KCTD19: variants seen among roughly 807,000 people sequenced by gnomAD.
KCTD19 encodes the protein BTB/POZ domain-containing protein KCTD19.
Under a neutral mutation model 103.5 loss-of-function variants are expected in KCTD19, and 67 were observed. The observed-to-expected ratio is 0.65, with a 90% confidence interval of 0.53 to 0.79. The LOEUF is 0.79. Among genes scored for constraint, KCTD19 ranks in the 30% least tolerant of loss-of-function variants. The pLI is 0.00. For synonymous variants in KCTD19, 439 were observed against 452.2 expected (o/e 0.97, Z 0.37); for missense variants, 980 against 1,136.1 (o/e 0.86, Z 1.98).
rs780423432 is a variant in KCTD19, at chr16:67,320,693, C to T, written c.196G>A (p.Val66Met). 74 of 1,613,992 alleles carry T rather than the reference C, an allele frequency of 4.6e-5. 1 individual carries two copies. The South Asian group carries it at 6.7e-4, about 15-fold the overall frequency. ...IDRDGSTFRHVHYYLYTSKLS... is the reference protein window; with the variant it reads ...IDRDGSTFRHMHYYLYTSKLS... ...TTGGAGGTGTAGAGGTAATAGTGCA[C>T]GTGCCTAAATGTGGAACCATCTCTG... Residue 66 changes from valine (V) to methionine (M), a missense_variant, in exon 2 of 16, where the codon GTG (valine) becomes ATG (methionine). Physicochemically the swap from Val to Met is conservative, Grantham distance 21. Coordinates refer to ENST00000304372, the MANE Select transcript of KCTD19 (RefSeq NM_001100915.3). This position sits in a 1 kb window ranked among gnomAD's most constrained non-coding sequence, Gnocchi z 4.0.
rs1567445070 is a variant in KCTD19, at chr16:67,289,602, G to A, written c.2748C>T (p.Tyr916=). ...IQRGLSRSVS[Y]SILGKYLQED ...CTTGTAGGTACTTTCCCAGGATGGA[G>A]TAAGAGACAGACCTAGACAGGCCCC... is the stretch of plus-strand genomic sequence containing the variant. Residue 916 remains tyrosine, a synonymous_variant, in exon 16 of 16, where the codon TAC becomes TAT. Transcript: ENST00000304372. 6.2e-7 allele frequency: 1 copy of A among 1,613,960 alleles called. No individual in the cohort carries two copies. The highest frequency in any genetic ancestry group is 8.5e-7 in the Non-Finnish European group (1 of 1,179,824).
At chr16:67,317,880 C>T (rs2037029246) in intron 2 of KCTD19, among the ~76,000 whole-genome samples, 1 of 152,144 alleles carries the variant, frequency 6.6e-6, no homozygotes, top group Non-Finnish European at 1.5e-5. Flanking sequence ...AGTTGGGCTG[C>T]CTGAGTAGAG....
intron 2 of KCTD19, among the ~76,000 whole-genome samples, chr16:67,311,070 G>A (rs561305202): frequency 2.6e-3 from 393 of 152,310 alleles, no homozygotes; most frequent in Non-Finnish European, 5.0e-3. Context: ...CAGATATGTT[G>A]TTAAGCATGT....
At position 67,293,147 on chromosome 16, in the gene KCTD19, G is replaced by A. The variant is rs1187026943; in HGVS notation, c.2218+397C>T. 1.3e-5 allele frequency among the ~76,000 whole-genome samples: 2 copies of A among 152,142 alleles called. No homozygotes were observed. Among genetic ancestry groups the A allele is most frequent in the Non-Finnish European group, 2.9e-5 (2 of 68,028 alleles). ...GTACCACGTCCTGAAGCTGGCCCAC[G>A]AGGCCTGTCCTTATGACTTCTGTCT... On this transcript the variant is annotated intron_variant, in intron 12 of 15. Transcript: ENST00000304372. This position sits in a 1 kb window ranked among gnomAD's most constrained non-coding sequence, Gnocchi z 4.0.
chr16:67,299,956 T>C, intron 5 of KCTD19: 1 of 199,920 alleles, frequency 5.0e-6, no homozygotes, highest in Non-Finnish European at 9.9e-6. Flanking sequence ...ACTCAATGTG[T>C]GTTACAGGCT....
In KCTD19 at chr16:67,320,492, G is replaced by T; in HGVS notation, c.300+97C>A. ...CACTTATTACATTTGCCCATTAAGA[G>T]GGTCATCTCAGCAACCAATATATAA... On this transcript the variant is annotated intron_variant, in intron 2 of 15. Coordinates refer to ENST00000304372, the MANE Select transcript of KCTD19 (RefSeq NM_001100915.3). The surrounding 1 kb of genome is among the most constrained non-coding windows in gnomAD (Gnocchi z 4.0). 1 of 1,175,806 alleles carries T rather than the reference G, an allele frequency of 8.5e-7. No individual in the cohort carries two copies. The highest frequency in any genetic ancestry group is 1.2e-6 in the Non-Finnish European group (1 of 820,502). 72.8% of individuals were successfully genotyped at this position (1,175,806 alleles called of 1,614,324 possible). A position where few individuals can be genotyped will look rare whatever the true frequency, so the allele number is the denominator to read the frequency against.
intron 1 of KCTD19, among the ~76,000 whole-genome samples, chr16:67,322,923 T>C (rs1180156447): frequency 1.3e-5 from 2 of 152,178 alleles, no homozygotes; most frequent in Non-Finnish European, 2.9e-5. Context: ...CTCCAAAGAA[T>C]ATATACAAAT....
intron 2 of KCTD19, among the ~76,000 whole-genome samples, chr16:67,317,604 A>G (rs1331304850): frequency 6.6e-6 from 1 of 152,208 alleles, no homozygotes; most frequent in South Asian, 2.1e-4. Context: ...TATTGATTAC[A>G]TGTTGAAATA....
intron 2 of KCTD19, 122 bp from the exon 3 acceptor site, chr16:67,304,693 T>C: frequency 1.2e-6 from 1 of 828,248 alleles, no homozygotes; most frequent in South Asian, 1.7e-5. Flanking sequence ...AGACAGAGTC[T>C]CGTTTTGTTG....
intron 8 of KCTD19, 23 bp from the exon 9 acceptor site, chr16:67,295,428 C>T: frequency 6.2e-7 from 1 of 1,601,450 alleles, no homozygotes; most frequent in Non-Finnish European, 8.5e-7. Context: ...GGACACCGGA[C>T]TCAGTCTCAG....
At chr16:67,326,079 C>A (rs2037161042) in intron 1 of KCTD19, 1 of 152,236 alleles carries the variant, frequency 6.6e-6, no homozygotes, top group Admixed American at 6.6e-5. Context: ...GGCCGTGCCA[C>A]CACACCCGGC....
chr16:67,304,412 C>A lies in KCTD19; in HGVS notation c.451+9G>T. On this transcript the variant is annotated intron_variant, in intron 3 of 15. Transcript: ENST00000304372. ...GGGCTTTAGGGAGGGACAGCCTATC[C>A]CAATTCACCTGTAAAGGCTGGGCTT... 1 of 1,613,682 alleles carries A rather than the reference C, an allele frequency of 6.2e-7. No individual in the cohort carries two copies. The highest frequency in any genetic ancestry group is 1.1e-5 in the South Asian group (1 of 91,064).
rs531672935 is a variant in KCTD19, at chr16:67,319,204, CAA to C, written c.300+1383_300+1384del. Among the ~76,000 whole-genome samples, 121 of 145,100 alleles carry C rather than the reference CAA, an allele frequency of 8.3e-4. 1 individual carries two copies. Among genetic ancestry groups the C allele is most frequent in the African/African-American group, 2.2e-3 (87 of 39,072 alleles). On this transcript the variant is annotated intron_variant, in intron 2 of 15. Transcript: ENST00000304372. The stretch of plus-strand genomic sequence containing the variant: ...CGCCATTGCACTCCAGCCTGGGTAA[CAA>C]GAGCGAAATTCCATCTCGAAGAAAA...
Position 67,323,855 on chromosome 16 carries a change from A to C in KCTD19, c.3+2850T>G, listed in dbSNP as rs758184939. Among the ~76,000 whole-genome samples the C allele has an allele frequency of 6.6e-6, 1 of 151,936 alleles. No individual in the cohort carries two copies. Among genetic ancestry groups the C allele is most frequent in the Non-Finnish European group, 1.5e-5 (1 of 68,004 alleles). ...GAATTGTACACATTAAAATGTGTGA[A>C]TTGTATGGTATGTGAATTATATCTC... On this transcript the variant is annotated intron_variant, in intron 1 of 15. Transcript: ENST00000304372. This position sits in a 1 kb window ranked among gnomAD's most constrained non-coding sequence, Gnocchi z 4.1.
rs774920754 is a variant in KCTD19, at chr16:67,303,116, C to T, written c.643+30G>A. 2.6e-5 allele frequency: 12 copies of T among 462,884 alleles called. No homozygotes were observed. Among genetic ancestry groups the T allele is most frequent in the Non-Finnish European group, 5.0e-5 (12 of 241,404 alleles). 28.7% of individuals were successfully genotyped at this position (462,884 alleles called of 1,614,324 possible). A position where few individuals can be genotyped will look rare whatever the true frequency, so the allele number is the denominator to read the frequency against. On this transcript the variant is annotated intron_variant, in intron 4 of 15. Coordinates refer to ENST00000304372, the MANE Select transcript of KCTD19 (RefSeq NM_001100915.3). The surrounding 1 kb of genome is among the most constrained non-coding windows in gnomAD (Gnocchi z 4.3). The stretch of plus-strand genomic sequence containing the variant: ...GGGTGAATGGGCCCTATCAGCCCGC[C>T]CCCCACCCCACCCCGGACAGAGCAA...
rs149278976 is a variant in KCTD19, at chr16:67,291,663, G to A, written c.2393C>T (p.Ala798Val). ...AGCCTCACCTTGGGGCTGGGGACTG[G>A]CTGTGGGTGTTGTGTGCCTGAGGTT... ...MDNLRHTTPT[A>V]SPQPQEVTFL... Residue 798 changes from alanine (A) to valine (V), a missense_variant, in exon 13 of 16, where the codon GCC becomes GTC. Physicochemically the swap from Ala to Val is moderately conservative, Grantham distance 64. Transcript: ENST00000304372. 0.01 allele frequency: 16,180 copies of A among 1,613,884 alleles called. 106 individuals carry two copies. Among genetic ancestry groups the A allele is most frequent in the Non-Finnish European group, 0.012 (14,574 of 1,179,882 alleles).
At position 67,293,777 on chromosome 16, in the gene KCTD19, G is replaced by A; in HGVS notation, c.1985C>T (p.Pro662Leu). 6.2e-7 allele frequency: 1 copy of A among 1,613,858 alleles called. No homozygotes were observed. Among genetic ancestry groups the A allele is most frequent in the South Asian group, 1.1e-5 (1 of 91,078 alleles). The change falls in exon 12 of 16, where the codon CCC becomes CTC. Residue 662 changes from proline (P) to leucine (L), a missense_variant. Physicochemically the swap from Pro to Leu is moderately conservative, Grantham distance 98. Transcript: ENST00000304372. The surrounding 1 kb of genome is among the most constrained non-coding windows in gnomAD (Gnocchi z 4.0). ...GAGCTGCAGGGTGGCCTCCTCCAAG[G>A]GGCTGCTCCGTGTGGCTGTCAGTGG... ...FQPLTATRSS[P>L]LEEATLQLPL...
intron 7 of KCTD19, among the ~76,000 whole-genome samples, chr16:67,296,780 C>A (rs2036770132): frequency 6.6e-6 from 1 of 152,038 alleles, no homozygotes; most frequent in Non-Finnish European, 1.5e-5. Context: ...ATATGTAGGC[C>A]TTGTTCTGAT....
chr16:67,306,285 C>A (rs1393018708), intron 2 of KCTD19, among the ~76,000 whole-genome samples: 1 of 152,150 alleles, frequency 6.6e-6, no homozygotes, highest in Non-Finnish European at 1.5e-5. Flanking sequence ...TAGAAGGGAA[C>A]ATTAGAGTCT....
Sources: allele counts gnomAD v4.1 joint callset (sites outside exome capture counted in the v4.1 genomes callset), GRCh38; gene constraint gnomAD v4.1.1; non-coding constraint Gnocchi (gnomAD v3.1); transcripts MANE v1.5; gene names NCBI Gene and HGNC (gene_info 2026-07-23, HGNC 2026-07-21).